The following TSPAN9 variants were observed in gnomAD, a reference collection of about 807,000 sequenced individuals.
The protein encoded by TSPAN9 is tetraspanin 9.
TSPAN9 carries 16 observed loss-of-function variants against 31.0 expected under a neutral mutation model. The observed-to-expected ratio is 0.52, with a 90% CI of 0.35 to 0.78. The LOEUF is 0.78. Among genes scored for constraint, TSPAN9 ranks in the 30% least tolerant of loss-of-function variants. TSPAN9 has a pLI of 0.01. For missense variants in TSPAN9, 272 were observed against 312.5 expected, an observed-to-expected ratio of 0.87 and a Z score of 0.98; for synonymous variants, 145 against 121.6, an observed-to-expected ratio of 1.19 and a Z score of -1.27.
chr12:3,278,923 C>T, intron 4 of TSPAN9, 69 bp from the exon 5 acceptor site: 1 of 1,547,362 alleles, frequency 6.5e-7, no homozygotes. Context: ...CTGTCCCTGC[C>T]TTCCACACCC....
chr12:3,188,016 C>A (rs1461027599), intron 2 of TSPAN9, among the ~76,000 whole-genome samples: 1 of 152,152 alleles, frequency 6.6e-6, no homozygotes, highest in East Asian at 1.9e-4. Context: ...CCTATGGGTG[C>A]TGGGGAACTC....
At chr12:3,224,921 G>A (rs190696498) in intron 3 of TSPAN9, among the ~76,000 whole-genome samples, 2 of 152,256 alleles carry the variant, frequency 1.3e-5, no homozygotes, top group African/African-American at 4.8e-5. Context: ...ATTACAGGGC[G>A]GCCACGCTCC....
intron 3 of TSPAN9, among the ~76,000 whole-genome samples, chr12:3,207,070 A>G (rs1340999825): frequency 6.6e-6 from 1 of 152,008 alleles, no homozygotes; most frequent in African/African-American, 2.4e-5. Context: ...GTCTGGTGGC[A>G]CCCTTCAGGA....
intron 3 of TSPAN9, among the ~76,000 whole-genome samples, chr12:3,212,499 A>AC (rs1336785089): frequency 8.4e-6 from 1 of 119,258 alleles, no homozygotes; most frequent in African/African-American, 3.1e-5. Context: ...CTGGTCTTGA[A>AC]CTCCTGGCCT....
chr12:3,225,901 G>T (rs1275368722), intron 3 of TSPAN9, among the ~76,000 whole-genome samples: 2 of 152,180 alleles, frequency 1.3e-5, no homozygotes, highest in Non-Finnish European at 2.9e-5. Flanking sequence ...GACCCAGAGG[G>T]ACGGTCCATG....
intron 3 of TSPAN9, among the ~76,000 whole-genome samples, chr12:3,233,189 A>G (rs965479860): frequency 6.6e-6 from 1 of 152,208 alleles, no homozygotes; most frequent in Non-Finnish European, 1.5e-5. Flanking sequence ...TTCAGCTTGA[A>G]GCTACCAAAG....
chr12:3,226,989 A>G (rs917432915), intron 3 of TSPAN9, among the ~76,000 whole-genome samples: 3 of 149,264 alleles, frequency 2.0e-5, no homozygotes, highest in South Asian at 2.2e-4. Flanking sequence ...TTATCCTCCC[A>G]TTGGTTAGTG....
chr12:3,177,960 G>A (rs1017363860), intron 2 of TSPAN9, among the ~76,000 whole-genome samples: 2 of 152,184 alleles, frequency 1.3e-5, no homozygotes, highest in Non-Finnish European at 2.9e-5. Flanking sequence ...CTTGCCCGCC[G>A]ATGGGTCTCT....
intron 2 of TSPAN9, among the ~76,000 whole-genome samples, chr12:3,184,476 C>A (rs1246758970): frequency 6.6e-6 from 1 of 151,766 alleles, no homozygotes; most frequent in African/African-American, 2.4e-5. Flanking sequence ...AAGAAAGAGT[C>A]CAAGGAATGT....
intron 3 of TSPAN9, among the ~76,000 whole-genome samples, chr12:3,244,906 C>T (rs543262130): frequency 1.3e-5 from 2 of 152,324 alleles, no homozygotes; most frequent in African/African-American, 4.8e-5. Flanking sequence ...CATCTCTCAG[C>T]ATCCAGTATT....
intron 2 of TSPAN9, among the ~76,000 whole-genome samples, chr12:3,091,216 C>T (rs12819399): frequency 0.25 from 38,357 of 152,194 alleles, 5,194 homozygotes; most frequent in Middle Eastern, 0.35. Context: ...CCAACCACTA[C>T]GCTCCAGGCT....
In TSPAN9 at chr12:3,283,967, T is replaced by G. The variant is rs10083068; in HGVS notation, c.*851T>G. ...GCGTGAAGCAGGCTGGAGGTGCCCCTGCACGGGAGGTGGCGTTTGCTAACC... is the reference window on the plus strand; with the variant it reads ...GCGTGAAGCAGGCTGGAGGTGCCCCGGCACGGGAGGTGGCGTTTGCTAACC... On this transcript the variant is annotated 3_prime_UTR_variant, in exon 9 of 9. Coordinates refer to ENST00000011898, the MANE Select transcript of TSPAN9 (RefSeq NM_006675.5). 4,231 of 152,698 alleles carry G rather than the reference T, an allele frequency of 0.028. 159 individuals carry two copies. Among genetic ancestry groups the G allele is most frequent in the East Asian group, 0.091 (469 of 5,180 alleles). The allele number at this position is 152,698 out of a possible 1,614,324, so 9.5% of individuals were successfully genotyped here.
intron 2 of TSPAN9, among the ~76,000 whole-genome samples, chr12:3,118,088 A>C (rs961901475): frequency 2.0e-5 from 3 of 152,018 alleles, no homozygotes; most frequent in Non-Finnish European, 4.4e-5. Context: ...TCGCCTGTGA[A>C]GTGGGGATTA....
intron 2 of TSPAN9, among the ~76,000 whole-genome samples, chr12:3,155,925 G>A (rs1400801686): frequency 2.0e-5 from 3 of 152,184 alleles, no homozygotes; most frequent in African/African-American, 4.8e-5. Flanking sequence ...TCAGGACGCC[G>A]AAAGGACTTG....
intron 2 of TSPAN9, among the ~76,000 whole-genome samples, chr12:3,134,859 C>G (rs143712314): frequency 6.6e-6 from 1 of 151,936 alleles, no homozygotes; most frequent in Non-Finnish European, 1.5e-5. Flanking sequence ...TGGCGTGCAG[C>G]GTGGAAGAGG....
intron 3 of TSPAN9, among the ~76,000 whole-genome samples, chr12:3,259,009 T>C (rs11614107): frequency 0.65 from 98,415 of 151,970 alleles, 32,316 homozygotes; most frequent in East Asian, 0.89. Flanking sequence ...AGAAATAGAG[T>C]GTGGGTCTGA....
At chr12:3,090,989 AC>A (rs767622259) in intron 2 of TSPAN9, among the ~76,000 whole-genome samples, 3 of 152,166 alleles carry the variant, frequency 2.0e-5, no homozygotes, top group Non-Finnish European at 4.4e-5. Flanking sequence ...AGAGGCTTGG[AC>A]TTTGTAGTAG....
chr12:3,105,846 TCA>T (rs3062074), intron 2 of TSPAN9, among the ~76,000 whole-genome samples: 55,116 of 149,132 alleles, frequency 0.37, 11,125 homozygotes, highest in Admixed American at 0.5. Context: ...ATACACACGC[TCA>T]CACACGTTCA....
At chr12:3,144,810 G>A (rs1165127361) in intron 2 of TSPAN9, among the ~76,000 whole-genome samples, 2 of 152,260 alleles carry the variant, frequency 1.3e-5, no homozygotes, top group Non-Finnish European at 2.9e-5. Context: ...TAGCATGTCA[G>A]CCATGGCCAG....
Sources: gnomAD v4.1 joint callset for allele counts (sites outside exome capture counted in the v4.1 genomes callset) on GRCh38, gnomAD v4.1.1 for gene constraint, MANE v1.5 for transcripts, NCBI Gene and HGNC (gene_info 2026-07-23, HGNC 2026-07-21) for gene names.